The following DLG2 variants were observed in gnomAD, a reference collection of about 807,000 sequenced individuals.
DLG2 encodes disks large homolog 2.
Under a neutral mutation model 132.5 loss-of-function variants are expected in DLG2, and 45 were observed. That is an observed-to-expected ratio of 0.34 (90% CI 0.27 to 0.44). The LOEUF is 0.44. Ranked by LOEUF, DLG2 falls within the 20% of genes least tolerant of loss-of-function variation. The pLI is 1.00. For missense variants in DLG2, 1,045 were observed against 1,196.9 expected (o/e 0.87, Z 1.87); for synonymous variants, 424 against 419.6 (o/e 1.01, Z -0.13).
At chr11:84,386,820 G>A (rs11234006) in intron 7 of DLG2, among the ~76,000 whole-genome samples, 1 of 151,840 alleles carries the variant, frequency 6.6e-6, no homozygotes, top group Non-Finnish European at 1.5e-5. Flanking sequence ...TTTTATATTT[G>A]TATCGTCTTG....
chr11:84,185,718 T>C (rs1406037579), intron 8 of DLG2, among the ~76,000 whole-genome samples: 1 of 152,194 alleles, frequency 6.6e-6, no homozygotes, highest in African/African-American at 2.4e-5. Flanking sequence ...TTGTCATAGA[T>C]ATCTCTTATT....
chr11:84,612,405 T>G (rs1307328749), intron 6 of DLG2, among the ~76,000 whole-genome samples: 2 of 152,168 alleles, frequency 1.3e-5, no homozygotes, highest in African/African-American at 4.8e-5. Flanking sequence ...GAAGTCGTCA[T>G]TGACTTATGT....
intron 6 of DLG2, among the ~76,000 whole-genome samples, chr11:84,808,058 C>T (rs576761348): frequency 1.3e-5 from 2 of 151,978 alleles, no homozygotes; most frequent in African/African-American, 2.4e-5. Context: ...TTCTCAAGTG[C>T]CCATAGAACA....
intron 4 of DLG2, among the ~76,000 whole-genome samples, chr11:85,273,426 C>G (rs2077674539): frequency 1.3e-5 from 2 of 152,064 alleles, no homozygotes; most frequent in Admixed American, 1.3e-4. Flanking sequence ...CAAACAACCC[C>G]ATCAAAAAGT....
intron 3 of DLG2, among the ~76,000 whole-genome samples, chr11:85,450,105 G>A (rs1372452321): frequency 1.3e-5 from 2 of 151,954 alleles, no homozygotes; most frequent in African/African-American, 2.4e-5. Context: ...CTCCAGCCTG[G>A]GCAACAAGAG....
At chr11:84,645,572 A>G (rs1168294883) in intron 6 of DLG2, among the ~76,000 whole-genome samples, 2 of 152,034 alleles carry the variant, frequency 1.3e-5, no homozygotes, top group Non-Finnish European at 2.9e-5. Flanking sequence ...GGTTCACGCC[A>G]TTTTCCTGCC....
At chr11:84,537,990 T>C (rs1352486190) in intron 6 of DLG2, among the ~76,000 whole-genome samples, 1 of 152,236 alleles carries the variant, frequency 6.6e-6, no homozygotes, top group African/African-American at 2.4e-5. Context: ...TATTAAGTAC[T>C]ACATATCTTT....
intron 9 of DLG2, among the ~76,000 whole-genome samples, chr11:84,137,670 T>A (rs532349361): frequency 6.6e-6 from 1 of 152,300 alleles, no homozygotes; most frequent in South Asian, 2.1e-4. Context: ...TATGAAAGAA[T>A]GCTTCCACCA....
intron 15 of DLG2, among the ~76,000 whole-genome samples, chr11:83,904,159 G>A (rs1317558525): frequency 6.6e-6 from 1 of 152,172 alleles, no homozygotes; most frequent in Non-Finnish European, 1.5e-5. Flanking sequence ...AGTGTATACA[G>A]CATGGATACC....
intron 5 of DLG2, among the ~76,000 whole-genome samples, chr11:85,147,989 T>C (rs966461488): frequency 6.6e-6 from 1 of 151,910 alleles, no homozygotes; most frequent in Non-Finnish European, 1.5e-5. Flanking sequence ...AGCTGATGAA[T>C]GAGAACTTGT....
At chr11:84,092,421 A>G (rs71469619) in intron 10 of DLG2, among the ~76,000 whole-genome samples, 5,302 of 152,328 alleles carry the variant, frequency 0.035, 143 homozygotes, top group Non-Finnish European at 0.055. Context: ...TCTCCAATGT[A>G]CCAGTGAGGA....
chr11:85,218,140 C>T (rs1439226658), intron 4 of DLG2, among the ~76,000 whole-genome samples: 2 of 152,068 alleles, frequency 1.3e-5, no homozygotes, highest in Admixed American at 6.6e-5. Context: ...CATTGCTCTA[C>T]GTGTCTGTTT....
intron 7 of DLG2, among the ~76,000 whole-genome samples, chr11:84,334,417 G>C (rs531344654): frequency 2.0e-5 from 3 of 152,258 alleles, no homozygotes; most frequent in East Asian, 1.9e-4. Flanking sequence ...AGCAGATATA[G>C]AGGTGTTTGT....
At chr11:83,912,868 A>T (rs1369702489) in intron 15 of DLG2, among the ~76,000 whole-genome samples, 1 of 152,110 alleles carries the variant, frequency 6.6e-6, no homozygotes, top group Non-Finnish European at 1.5e-5. Flanking sequence ...AATTACACAG[A>T]TAGAATATTT....
chr11:85,075,008 G>GC (rs937361721), intron 6 of DLG2, among the ~76,000 whole-genome samples: 6 of 151,816 alleles, frequency 4.0e-5, no homozygotes, highest in African/African-American at 1.4e-4. Flanking sequence ...GGGGAGGCAG[G>GC]CAATCTAAGG....
intron 3 of DLG2, among the ~76,000 whole-genome samples, chr11:85,431,919 T>TCCTGTA (rs2091211595): frequency 6.6e-6 from 1 of 152,190 alleles, no homozygotes. Flanking sequence ...CCTACTGGCA[T>TCCTGTA]CAGGTCGGTG....
At chr11:83,673,362 A>G (rs1266061252) in intron 18 of DLG2, among the ~76,000 whole-genome samples, 2 of 152,168 alleles carry the variant, frequency 1.3e-5, no homozygotes, top group Non-Finnish European at 2.9e-5. Context: ...TGCTTTTTCT[A>G]ACGTCCTATG....
chr11:84,102,804 T>C (rs2092639532), intron 9 of DLG2, among the ~76,000 whole-genome samples: 1 of 152,170 alleles, frequency 6.6e-6, no homozygotes, highest in Non-Finnish European at 1.5e-5. Context: ...TCTTGGAACT[T>C]AGTCTGTGAA....
At chr11:83,559,000 A>C (rs2096566983) in intron 19 of DLG2, among the ~76,000 whole-genome samples, 1 of 152,110 alleles carries the variant, frequency 6.6e-6, no homozygotes, top group Non-Finnish European at 1.5e-5. Flanking sequence ...GGGAATGATG[A>C]ACAACATGCT....
Sources: allele counts gnomAD v4.1 joint callset (sites outside exome capture counted in the v4.1 genomes callset), GRCh38; gene constraint gnomAD v4.1.1; transcripts MANE v1.5; gene names NCBI Gene and HGNC (gene_info 2026-07-23, HGNC 2026-07-21).